Variants in LAMB4 observed in about 807,000 individuals in gnomAD.
LAMB4 encodes the protein laminin subunit beta-4.
A neutral mutation model predicts 199.2 loss-of-function variants in LAMB4; 196 were observed. The ratio of observed to expected loss-of-function variants is 0.98; its 90% confidence interval spans 0.88 to 1.11. The LOEUF is 1.11. Among genes scored for constraint, LAMB4 ranks in the 50% least tolerant of loss-of-function variants. The probability of loss-of-function intolerance (pLI) is 0.00; values close to 1 mark genes in which losing one functional copy is unlikely to be tolerated. For missense variants in LAMB4, 2,080 were observed against 2,171.2 expected (o/e 0.96, Z 0.83); for synonymous variants, 744 against 770.6 (o/e 0.97, Z 0.57).
intron 14 of LAMB4, among the ~76,000 whole-genome samples, chr7:108,088,803 A>G (rs2037286199): frequency 6.6e-6 from 1 of 152,164 alleles, no homozygotes; most frequent in East Asian, 1.9e-4. Context: ...CCTCTGTCAC[A>G]TTATTCTCTT....
Position 108,125,461 on chromosome 7 carries a change from C to T in LAMB4, c.-33-2264G>A, listed in dbSNP as rs567906701. Among the ~76,000 whole-genome samples, 9 of 152,330 alleles carry T rather than the reference C, an allele frequency of 5.9e-5. 1 individual carries two copies. In the South Asian group the frequency reaches 1.9e-3, roughly 32 times the overall value. Reference sequence around the variant, plus strand: ...TAGCAAAGTTTGAAAGTATGATTCTCTATAACCAAAGAAACTGAATTCAGT... The same window carrying T: ...TAGCAAAGTTTGAAAGTATGATTCTTTATAACCAAAGAAACTGAATTCAGT... On this transcript the variant is annotated intron_variant, in intron 1 of 33. Coordinates refer to ENST00000388781, the MANE Select transcript of LAMB4 (RefSeq NM_007356.3).
In LAMB4 at chr7:108,036,434, C is replaced by T. The variant is rs554710324; in HGVS notation, c.4679+954G>A. The stretch of plus-strand genomic sequence containing the variant: ...AATTCCTGACCGCAGGTGATCTGCC[C>T]GCCTCAGCCTCCTAAAGTGCTGGGA... On this transcript the variant is annotated intron_variant, in intron 30 of 33. Transcript: ENST00000388781. Among the ~76,000 whole-genome samples, 7 of 152,132 alleles carry T rather than the reference C, an allele frequency of 4.6e-5. No homozygotes were observed. In the South Asian group the frequency reaches 1.2e-3, roughly 27 times the overall value.
intron 21 of LAMB4, among the ~76,000 whole-genome samples, chr7:108,064,474 G>T (rs1362582417): frequency 2.6e-5 from 4 of 152,176 alleles, no homozygotes; most frequent in African/African-American, 9.7e-5. Flanking sequence ...TGACATATGA[G>T]CCCTTGAGGG....
At chr7:108,069,629 C>T in intron 18 of LAMB4, 79 bp downstream of exon 18, 1 of 1,351,084 alleles carries the variant, frequency 7.4e-7, no homozygotes, top group Non-Finnish European at 1.0e-6. Flanking sequence ...GGAGTGGATG[C>T]TAACATAAAT....
intron 28 of LAMB4, 60 bp downstream of exon 28, chr7:108,047,848 T>G: frequency 1.4e-6 from 2 of 1,396,288 alleles, no homozygotes; most frequent in Non-Finnish European, 2.0e-6. Context: ...TTTATAAATT[T>G]TAAGCAGTCT....
intron 29 of LAMB4, among the ~76,000 whole-genome samples, chr7:108,042,735 C>T (rs2150508134): frequency 6.6e-6 from 1 of 151,958 alleles, no homozygotes; most frequent in Middle Eastern, 3.4e-3. Flanking sequence ...GAAAAACAAA[C>T]AACAACAACA....
At position 108,044,208 on chromosome 7, in the gene LAMB4, C is replaced by T. The variant is rs1026486866; in HGVS notation, c.4327-312G>A. The T allele has an allele frequency of 1.3e-4, 27 of 206,312 alleles. 1 individual carries two copies. The highest frequency in any genetic ancestry group is 2.5e-4 in the Non-Finnish European group (26 of 105,122). The allele number at this position is 206,312 out of a possible 1,614,324, so 12.8% of individuals were successfully genotyped here. On this transcript the variant is annotated intron_variant, in intron 28 of 33. Transcript: ENST00000388781. Reference sequence around the variant, plus strand: ...ATGGGGCTTTAGCATTCTTTAATACCAACAACTTTCCCATAAATTACATAG... The same window carrying T: ...ATGGGGCTTTAGCATTCTTTAATACTAACAACTTTCCCATAAATTACATAG...
Position 108,103,064 on chromosome 7 carries a change from G to A in LAMB4, c.1160C>T (p.Ser387Leu), listed in dbSNP as rs1278003864. The A allele has an allele frequency of 6.2e-7, 1 of 1,603,778 alleles. No homozygotes were observed. Among genetic ancestry groups the A allele is most frequent in the Non-Finnish European group, 8.5e-7 (1 of 1,172,218 alleles). The change falls in exon 10 of 34, where the codon TCA becomes TTA. Residue 387 changes from serine to leucine, a missense_variant. Transcript: ENST00000388781. ...LFYRDPLKTI[S>L]DPYACIPCEC... Reference sequence around the variant, plus strand: ...CTCACGAATGCACGCGTAGGGATCTGAGATGGTCTTGAGCGGGTCCCTGTA... The same window carrying A: ...CTCACGAATGCACGCGTAGGGATCTAAGATGGTCTTGAGCGGGTCCCTGTA...
In LAMB4 at chr7:108,095,333, G is replaced by C; in HGVS notation, c.1365C>G (p.Cys455Trp). Reference protein sequence around the residue: ...SATDPLGCQPCDCNPLGSLPF... With the variant: ...SATDPLGCQPWDCNPLGSLPF... The stretch of plus-strand genomic sequence containing the variant: ...GCAGACTCCCAAGGGGGTTACAGTC[G>C]CAGGCTGAAAGCACAGCATACACAA... The change falls in exon 12 of 34, where the codon TGC (cysteine) becomes TGG (tryptophan). Residue 455 changes from cysteine (C) to tryptophan (W), a missense_variant. Physicochemically the swap from Cys to Trp is radical, Grantham distance 215 (BLOSUM62 -2). Coordinates refer to ENST00000388781, the MANE Select transcript of LAMB4 (RefSeq NM_007356.3). 3 of 1,609,820 alleles carry C rather than the reference G, an allele frequency of 1.9e-6. No individual in the cohort carries two copies. The highest frequency in any genetic ancestry group is 2.6e-6 in the Non-Finnish European group (3 of 1,176,400).
chr7:108,029,655 T>C (rs1327548869), intron 32 of LAMB4, among the ~76,000 whole-genome samples: 1 of 151,976 alleles, frequency 6.6e-6, no homozygotes, highest in African/African-American at 2.4e-5. Context: ...GAGAGAGAAA[T>C]GAGGTAGGAA....
intron 29 of LAMB4, among the ~76,000 whole-genome samples, chr7:108,037,823 G>T (rs2035283644): frequency 6.6e-6 from 1 of 152,146 alleles, no homozygotes; most frequent in African/African-American, 2.4e-5. Context: ...CTGAACAAGT[G>T]CTTGTTGGAA....
the LAMB4 span, among the ~76,000 whole-genome samples, chr7:108,018,392 G>A: frequency 1.3e-5 from 2 of 152,154 alleles, no homozygotes. Context: ...AATGTCCTCT[G>A]CAGGGTTGTC....
chr7:108,072,576 C>T lies in LAMB4; in HGVS notation c.2125-2691G>A, dbSNP rs570491237. 1.1e-4 allele frequency among the ~76,000 whole-genome samples: 17 copies of T among 152,164 alleles called. No individual in the cohort carries two copies. The South Asian group carries it at 1.7e-3, about 15-fold the overall frequency. On this transcript the variant is annotated intron_variant, in intron 17 of 33. Transcript: ENST00000388781. Reference sequence around the variant, plus strand: ...GGTCAGATGAGGCTGAGAACCACTGCGAGAGTCATGCTGAGCTTTTTGGGT... The same window carrying T: ...GGTCAGATGAGGCTGAGAACCACTGTGAGAGTCATGCTGAGCTTTTTGGGT...
chr7:108,086,974 T>C (rs1003425033), intron 14 of LAMB4, among the ~76,000 whole-genome samples: 1 of 152,142 alleles, frequency 6.6e-6, no homozygotes, highest in African/African-American at 2.4e-5. Flanking sequence ...CCCAGTCTCC[T>C]CTTTCAGGTG....
In LAMB4 at chr7:108,070,172, CA is replaced by C. The variant is rs56777511; in HGVS notation, c.2125-288del. On this transcript the variant is annotated intron_variant, in intron 17 of 33. Transcript: ENST00000388781. ...TCTAGATTTGAAAGAGTAATAACATCAAGTTGGTCATTTTGAACAACTCGTG... is the reference window on the plus strand; with the variant it reads ...TCTAGATTTGAAAGAGTAATAACATCAGTTGGTCATTTTGAACAACTCGTG... Among the ~76,000 whole-genome samples the C allele has an allele frequency of 6.6e-3, 1,009 of 152,266 alleles. 9 individuals are homozygous for C. Among genetic ancestry groups the C allele is most frequent in the African/African-American group, 0.023 (953 of 41,538 alleles).
At chr7:108,022,682 G>C (rs1453921550), downstream of LAMB4, among the ~76,000 whole-genome samples, 1 of 151,990 alleles carries the variant, frequency 6.6e-6, no homozygotes, top group Non-Finnish European at 1.5e-5. Context: ...CTGTAGAAAA[G>C]TTTCTTTCTA....
At chr7:108,124,559 A>G (rs556231114) in intron 1 of LAMB4, among the ~76,000 whole-genome samples, 1 of 152,280 alleles carries the variant, frequency 6.6e-6, no homozygotes, top group East Asian at 1.9e-4. Context: ...TACCATGCAG[A>G]AAGTTTGTTC....
chr7:108,034,066 A>T lies in LAMB4; in HGVS notation c.4818+142T>A, dbSNP rs1185083066. ...GCTCTGTAGAACATTAAATACATGC[A>T]TAATACTACCCAAATCTTATTTATC... is the stretch of plus-strand genomic sequence containing the variant. On this transcript the variant is annotated intron_variant, in intron 31 of 33. Coordinates refer to ENST00000388781, the MANE Select transcript of LAMB4 (RefSeq NM_007356.3). The T allele has an allele frequency of 1.2e-5, 10 of 836,630 alleles. No individual in the cohort carries two copies. The South Asian group carries it at 1.5e-4, about 12-fold the overall frequency. 51.8% of individuals were successfully genotyped at this position (836,630 alleles called of 1,614,324 possible).
chr7:108,114,949 G>A (rs957197872), intron 3 of LAMB4, among the ~76,000 whole-genome samples: 1 of 152,188 alleles, frequency 6.6e-6, no homozygotes, highest in African/African-American at 2.4e-5. Context: ...GGGAATTTAT[G>A]ATTTTTAGAC....
Sources: gnomAD v4.1 joint callset for allele counts (sites outside exome capture counted in the v4.1 genomes callset) on GRCh38, gnomAD v4.1.1 for gene constraint, MANE v1.5 for transcripts, NCBI Gene and HGNC (gene_info 2026-07-23, HGNC 2026-07-21) for gene names.